The following ARHGEF33 variants were observed in gnomAD, a reference collection of about 807,000 sequenced individuals.
The protein encoded by ARHGEF33 is Rho guanine nucleotide exchange factor 33.
In ARHGEF33, 72 loss-of-function variants were observed where a neutral mutation model predicts 101.9. That is an observed-to-expected ratio of 0.71 (90% CI 0.58 to 0.86). The LOEUF (loss-of-function observed/expected upper bound fraction) is 0.86. Ranked by LOEUF, ARHGEF33 falls within the 40% of genes least tolerant of loss-of-function variation. ARHGEF33 has a pLI of 0.00. For synonymous variants in ARHGEF33, 499 were observed against 442.5 expected, an observed-to-expected ratio of 1.13 and a Z score of -1.60; for missense variants, 1,169 against 1,111.3, an observed-to-expected ratio of 1.05 and a Z score of -0.74.
At chr2:38,890,019 A>C (rs1326340858) in intron 1 of ARHGEF33, 33 bp downstream of exon 1, 2 of 420,432 alleles carry the variant, frequency 4.8e-6, no homozygotes, top group Non-Finnish European at 4.9e-6. Context: ...TTTAAGGGGC[A>C]CTGAAAGGGG....
intron 9 of ARHGEF33, among the ~76,000 whole-genome samples, chr2:38,938,385 A>T (rs1213844009): frequency 6.6e-6 from 1 of 152,198 alleles, no homozygotes; most frequent in Non-Finnish European, 1.5e-5. Flanking sequence ...AAATAAAAAA[A>T]CAAAGTAGCT....
At chr2:38,929,597 C>A in intron 5 of ARHGEF33, 112 bp from the exon 6 acceptor site, 1 of 816,620 alleles carries the variant, frequency 1.2e-6, no homozygotes, top group Non-Finnish European at 1.7e-6. Flanking sequence ...ATCTCTCATT[C>A]ATTCATTCAT....
intron 14 of ARHGEF33, 144 bp from the exon 15 acceptor site, chr2:38,957,890 C>G (rs1036983505): frequency 2.0e-6 from 2 of 999,156 alleles, no homozygotes. Flanking sequence ...AGCAAAGCAA[C>G]TTAGTTTGCA....
At chr2:38,926,472 G>A (rs969647252) in intron 4 of ARHGEF33, among the ~76,000 whole-genome samples, 4 of 152,178 alleles carry the variant, frequency 2.6e-5, no homozygotes, top group Non-Finnish European at 4.4e-5. Flanking sequence ...TGTTGTATCA[G>A]GTGTGTGTTC....
chr2:38,936,392 C>G (rs941504063), intron 8 of ARHGEF33, among the ~76,000 whole-genome samples: 7 of 152,164 alleles, frequency 4.6e-5, no homozygotes, highest in African/African-American at 1.2e-4. Flanking sequence ...GTTTTTGGCA[C>G]CCTTCCTCCT....
At position 38,937,469 on chromosome 2, in the gene ARHGEF33, G is replaced by C. The variant is rs891432113; in HGVS notation, c.700G>C (p.Val234Leu). The C allele has an allele frequency of 1.9e-6, 3 of 1,550,442 alleles. No individual in the cohort carries two copies. The highest frequency in any genetic ancestry group is 2.0e-5 in the Admixed American group (1 of 50,940). The stretch of plus-strand genomic sequence containing the variant: ...TGGTAAAGAATGGGGTGAAGAATAC[G>C]TCACAAAAGACCACCCAGATAAACT... ...KDGKEWGEEY[V>L]TKDHPDKLKE... The change falls in exon 9 of 18, where the codon GTC (valine) becomes CTC (leucine). Residue 234 changes from valine to leucine, a missense_variant. By Grantham distance (32) the Val-to-Leu change is conservative. Coordinates refer to ENST00000409978, the MANE Select transcript of ARHGEF33 (RefSeq NM_001145451.5).
rs990837827 is a variant in ARHGEF33 at position 38,951,016 on chromosome 2, C to T, written c.948C>T (p.Leu316=). 10 of 1,552,098 alleles carry T rather than the reference C, an allele frequency of 6.4e-6. No homozygotes were observed. The highest frequency in any genetic ancestry group is 4.9e-5 in the East Asian group (2 of 40,934). Residue 316 remains leucine, a synonymous_variant, in exon 11 of 18, where the codon CTC becomes CTT. Transcript: ENST00000409978. ...RSLFPGSLRY[L]VQQHLDLLHA... ...TCTTCCCTGGCTCTTTACGGTACCTCGTCCAGCAGCACCTGGATCTGCTTC... is the reference window on the plus strand; with the variant it reads ...TCTTCCCTGGCTCTTTACGGTACCTTGTCCAGCAGCACCTGGATCTGCTTC...
rs564990187 is a variant in ARHGEF33 at position 38,924,828 on chromosome 2, T to A, written c.75+3405T>A. Among the ~76,000 whole-genome samples, 5 of 152,310 alleles carry A rather than the reference T, an allele frequency of 3.3e-5. No homozygotes were observed. In the East Asian group the frequency reaches 5.8e-4, roughly 18 times the overall value. On this transcript the variant is annotated intron_variant, in intron 4 of 17. Transcript: ENST00000409978. ...TTGGGTCATCTTTGACCCACAGGCATTTCATATTAAGGAATTTATTCTAAG... is the reference window on the plus strand; with the variant it reads ...TTGGGTCATCTTTGACCCACAGGCAATTCATATTAAGGAATTTATTCTAAG...
intron 2 of ARHGEF33, 136 bp from the exon 3 acceptor site, chr2:38,919,226 AT>A: frequency 3.9e-6 from 2 of 509,346 alleles, no homozygotes; most frequent in Non-Finnish European, 7.2e-6. Flanking sequence ...TGTGTACTTA[AT>A]TTAATATTTT....
chr2:38,958,676 A>C (rs1667835957), intron 15 of ARHGEF33, among the ~76,000 whole-genome samples: 1 of 151,288 alleles, frequency 6.6e-6, no homozygotes, highest in African/African-American at 2.4e-5. Context: ...CCACCAGAGT[A>C]AGATATTGGT....
intron 2 of ARHGEF33, among the ~76,000 whole-genome samples, chr2:38,917,245 C>G: frequency 6.6e-6 from 1 of 151,430 alleles, no homozygotes; most frequent in Non-Finnish European, 1.5e-5. Context: ...GCACCTGCCA[C>G]CATGCCTGGC....
At position 38,951,118 on chromosome 2, in the gene ARHGEF33, C is replaced by T. The variant is rs750485662; in HGVS notation, c.1050C>T (p.Asp350=). 13 of 1,551,478 alleles carry T rather than the reference C, an allele frequency of 8.4e-6. No homozygotes were observed. The highest frequency in any genetic ancestry group is 2.4e-5 in the South Asian group (2 of 84,010). Reference sequence around the variant, plus strand: ...ATTTATTCCTTAAGTTAACAAATGACGAGGTAAGGTTTTTTCTGCCCCTCT... The same window carrying T: ...ATTTATTCCTTAAGTTAACAAATGATGAGGTAAGGTTTTTTCTGCCCCTCT... ...LGDLFLKLTN[D]ENNFLDYYVA... The change falls in exon 11 of 18, where the codon GAC becomes GAT. Residue 350 remains aspartate (D), a synonymous_variant. Transcript: ENST00000409978.
At chr2:38,949,162 C>T (rs987275706) in intron 10 of ARHGEF33, among the ~76,000 whole-genome samples, 6 of 152,176 alleles carry the variant, frequency 3.9e-5, no homozygotes, top group African/African-American at 1.4e-4. Flanking sequence ...AACCTCCTCT[C>T]GATCTGGCAT....
At chr2:38,915,920 G>A (rs1358432461) in intron 2 of ARHGEF33, among the ~76,000 whole-genome samples, 2 of 152,102 alleles carry the variant, frequency 1.3e-5, no homozygotes, top group Non-Finnish European at 2.9e-5. Flanking sequence ...GAGCTGCTTG[G>A]GAGGCTGAGG....
intron 4 of ARHGEF33, among the ~76,000 whole-genome samples, chr2:38,927,141 G>A (rs1266326104): frequency 1.3e-5 from 2 of 152,044 alleles, no homozygotes; most frequent in African/African-American, 2.4e-5. Context: ...TACTTGACAG[G>A]CCCTGCTTTT....
intron 10 of ARHGEF33, among the ~76,000 whole-genome samples, chr2:38,948,799 A>T (rs1424284973): frequency 6.6e-6 from 1 of 152,232 alleles, no homozygotes; most frequent in African/African-American, 2.4e-5. Flanking sequence ...TGGCTGGTGC[A>T]GCATTTTACA....
At chr2:38,948,840 A>T (rs1667517233) in intron 10 of ARHGEF33, among the ~76,000 whole-genome samples, 1 of 152,150 alleles carries the variant, frequency 6.6e-6, no homozygotes. Flanking sequence ...GTTTTTCTCC[A>T]TCAGGTTTAT....
chr2:38,895,191 G>A (rs1192668024), intron 1 of ARHGEF33, among the ~76,000 whole-genome samples: 5 of 152,238 alleles, frequency 3.3e-5, no homozygotes, highest in East Asian at 1.9e-4. Context: ...TCAGGAAACC[G>A]AAGTCCAGGA....
chr2:38,957,326 T>C (rs1009241386), intron 14 of ARHGEF33, among the ~76,000 whole-genome samples: 1 of 152,226 alleles, frequency 6.6e-6, no homozygotes, highest in African/African-American at 2.4e-5. Flanking sequence ...TCAACTGCCC[T>C]AAACTTGCCT....
Sources: gnomAD v4.1 joint callset for allele counts (sites outside exome capture counted in the v4.1 genomes callset) on GRCh38, gnomAD v4.1.1 for gene constraint, MANE v1.5 for transcripts, NCBI Gene and HGNC (gene_info 2026-07-23, HGNC 2026-07-21) for gene names.